The following GABRB1 variants were observed in gnomAD, a reference collection of about 807,000 sequenced individuals.
GABRB1 encodes the protein gamma-aminobutyric acid type A receptor subunit beta1.
In GABRB1, 17 loss-of-function variants were observed where a neutral mutation model predicts 51.6. The ratio of observed to expected loss-of-function variants is 0.33; its 90% CI spans 0.23 to 0.49. The LOEUF (loss-of-function observed/expected upper bound fraction) is 0.49. Among genes scored for constraint, GABRB1 ranks in the 20% least tolerant of loss-of-function variants. GABRB1 has a pLI of 0.99. For missense variants in GABRB1, 410 were observed against 600.6 expected, an observed-to-expected ratio of 0.68 and a Z score of 3.32; for synonymous variants, 247 against 218.9, an observed-to-expected ratio of 1.13 and a Z score of -1.14.
At chr4:47,376,010 A>G (rs1389670165) in intron 5 of GABRB1, among the ~76,000 whole-genome samples, 1 of 152,230 alleles carries the variant, frequency 6.6e-6, no homozygotes, top group Non-Finnish European at 1.5e-5. Flanking sequence ...TGAAGATAAC[A>G]GGTAGATTGT....
chr4:47,062,571 T>C (rs1477298156), intron 3 of GABRB1, among the ~76,000 whole-genome samples: 1 of 152,112 alleles, frequency 6.6e-6, no homozygotes, highest in East Asian at 1.9e-4. Context: ...GAGAATATAA[T>C]ATTTTGCTCT....
intron 3 of GABRB1, among the ~76,000 whole-genome samples, chr4:47,084,049 A>T (rs1332599296): frequency 2.0e-5 from 3 of 152,178 alleles, no homozygotes; most frequent in African/African-American, 7.2e-5. Context: ...CCTGAAATTA[A>T]AACTGATCAT....
At chr4:47,196,069 C>T (rs1455062118) in intron 4 of GABRB1, among the ~76,000 whole-genome samples, 1 of 152,270 alleles carries the variant, frequency 6.6e-6, no homozygotes, top group Non-Finnish European at 1.5e-5. Flanking sequence ...GCATTAATGC[C>T]TATACATTCA....
At chr4:47,026,131 C>G (rs1725084183) in intron 1 of GABRB1, among the ~76,000 whole-genome samples, 1 of 151,954 alleles carries the variant, frequency 6.6e-6, no homozygotes. Flanking sequence ...GCTTAGGCAA[C>G]ATAGTGAGAC....
intron 3 of GABRB1, among the ~76,000 whole-genome samples, chr4:47,048,968 A>G (rs1726223558): frequency 1.3e-5 from 2 of 151,970 alleles, no homozygotes; most frequent in Non-Finnish European, 2.9e-5. Context: ...ACAAGCCATA[A>G]GGAAGGAAAG....
chr4:47,093,225 A>G (rs1041907088), intron 3 of GABRB1, among the ~76,000 whole-genome samples: 1 of 152,186 alleles, frequency 6.6e-6, no homozygotes, highest in Non-Finnish European at 1.5e-5. Context: ...GATGCGTGTG[A>G]CTAACCACCA....
chr4:47,116,184 A>G (rs1300733911), intron 3 of GABRB1, among the ~76,000 whole-genome samples: 1 of 152,168 alleles, frequency 6.6e-6, no homozygotes, highest in East Asian at 1.9e-4. Context: ...TAGTTACTTA[A>G]TGCAGTATTC....
chr4:47,143,564 G>A (rs759813174), intron 3 of GABRB1, among the ~76,000 whole-genome samples: 3 of 151,524 alleles, frequency 2.0e-5, no homozygotes, highest in Non-Finnish European at 4.4e-5. Context: ...TCTAGAAATC[G>A]TGTGAGTACT....
intron 4 of GABRB1, among the ~76,000 whole-genome samples, chr4:47,301,708 A>T (rs1226321487): frequency 6.6e-6 from 1 of 152,086 alleles, no homozygotes; most frequent in Non-Finnish European, 1.5e-5. Flanking sequence ...CATTCAAAGG[A>T]GAATCCAAGG....
At chr4:47,214,707 ATCAACT>A (rs1462373848) in intron 4 of GABRB1, among the ~76,000 whole-genome samples, 1 of 152,184 alleles carries the variant, frequency 6.6e-6, no homozygotes, top group East Asian at 1.9e-4. Flanking sequence ...CCAAATTGAT[ATCAACT>A]TCAAGTTCAG....
intron 3 of GABRB1, among the ~76,000 whole-genome samples, chr4:47,121,782 G>A (rs773337890): frequency 1.1e-4 from 17 of 152,220 alleles, no homozygotes; most frequent in Non-Finnish European, 1.9e-4. Flanking sequence ...GACAACAGTC[G>A]TTTGGAATTT....
chr4:47,392,473 G>C (rs1052826380), intron 5 of GABRB1, among the ~76,000 whole-genome samples: 1 of 151,920 alleles, frequency 6.6e-6, no homozygotes, highest in African/African-American at 2.4e-5. Context: ...CTCCTGAGTA[G>C]CTGGGACTAC....
At position 47,166,908 on chromosome 4, in the gene GABRB1, C is replaced by T. The variant is rs574051862; in HGVS notation, c.461+5439C>T. ...CTCCATGAGAACTTTCACAGTTTTC[C>T]TAACCAGATGAAAACTCTCTCTCAT... On this transcript the variant is annotated intron_variant, in intron 4 of 8. Transcript: ENST00000295454. Among the ~76,000 whole-genome samples, 6 of 152,180 alleles carry T rather than the reference C, an allele frequency of 3.9e-5. No individual in the cohort carries two copies. The East Asian group carries it at 1.2e-3, about 29-fold the overall frequency.
At chr4:47,358,668 A>C (rs541970059) in intron 5 of GABRB1, among the ~76,000 whole-genome samples, 1 of 152,102 alleles carries the variant, frequency 6.6e-6, no homozygotes, top group African/African-American at 2.4e-5. Flanking sequence ...TTTTAACTTA[A>C]TTACCTCTGC....
intron 3 of GABRB1, among the ~76,000 whole-genome samples, chr4:47,056,510 C>A (rs545243303): frequency 6.6e-6 from 1 of 152,104 alleles, no homozygotes; most frequent in African/African-American, 2.4e-5. Flanking sequence ...GCTAGGCAAT[C>A]GTTTTTTTCT....
intron 4 of GABRB1, among the ~76,000 whole-genome samples, chr4:47,291,832 G>C (rs1394280138): frequency 6.6e-6 from 1 of 152,178 alleles, no homozygotes; most frequent in Non-Finnish European, 1.5e-5. Flanking sequence ...ACCCCCCACT[G>C]TATCTAGGAA....
chr4:47,156,221 A>G (rs1376639983), intron 3 of GABRB1, among the ~76,000 whole-genome samples: 5 of 151,450 alleles, frequency 3.3e-5, no homozygotes, highest in African/African-American at 7.3e-5. Flanking sequence ...CATCCTTTCC[A>G]GTATCCATTA....
chr4:47,216,463 G>A (rs1286970912), intron 4 of GABRB1, among the ~76,000 whole-genome samples: 1 of 151,830 alleles, frequency 6.6e-6, no homozygotes, highest in Non-Finnish European at 1.5e-5. Context: ...AGCTGCAAGG[G>A]AACCACTTTG....
At chr4:47,023,944 A>AT (rs1173277442) in intron 1 of GABRB1, among the ~76,000 whole-genome samples, 1 of 151,744 alleles carries the variant, frequency 6.6e-6, no homozygotes, top group East Asian at 1.9e-4. Flanking sequence ...CTCTTGTTAG[A>AT]TTTTTTGGAT....
Sources: allele counts gnomAD v4.1 joint callset (sites outside exome capture counted in the v4.1 genomes callset), GRCh38; gene constraint gnomAD v4.1.1; transcripts MANE v1.5; gene names NCBI Gene and HGNC (gene_info 2026-07-23, HGNC 2026-07-21).